Variants in CAMK2B observed in about 807,000 individuals in gnomAD.
The protein encoded by CAMK2B is calcium/calmodulin dependent protein kinase II beta.
A neutral mutation model predicts 93.7 loss-of-function variants in CAMK2B; 27 were observed. The observed-to-expected ratio is 0.29, with a 90% CI of 0.21 to 0.40. The LOEUF (loss-of-function observed/expected upper bound fraction) is 0.40, where lower values mean the gene tolerates loss of function less well. CAMK2B is among the 10% of genes least tolerant of loss of function. The pLI, the probability that CAMK2B is intolerant of heterozygous loss-of-function variation, is 1.00. For missense variants in CAMK2B, 568 were observed against 895.8 expected (o/e 0.63, Z 4.67); for synonymous variants, 374 against 358.8 (o/e 1.04, Z -0.48).
At chr7:44,261,646 T>A (rs577613732) in intron 3 of CAMK2B, among the ~76,000 whole-genome samples, 3 of 151,520 alleles carry the variant, frequency 2.0e-5, no homozygotes, top group East Asian at 1.9e-4. Flanking sequence ...GTGGACACTT[T>A]AAAAAAAAAC....
intron 11 of CAMK2B, among the ~76,000 whole-genome samples, chr7:44,241,433 C>T (rs888984690): frequency 7.9e-5 from 12 of 152,226 alleles, no homozygotes; most frequent in East Asian, 1.9e-4. Flanking sequence ...GAGCCCACAG[C>T]GAGCGCTTCA....
In CAMK2B at chr7:44,243,456, G is replaced by A. The variant is rs779162866; in HGVS notation, c.486C>T (p.Ile162=). The A allele has an allele frequency of 3.6e-5, 58 of 1,613,898 alleles. No individual in the cohort carries two copies. The highest frequency in any genetic ancestry group is 4.6e-5 in the Non-Finnish European group (54 of 1,180,000). The change falls in exon 7 of 24, where the codon ATC becomes ATT. Residue 162 remains isoleucine (I), a synonymous_variant. Coordinates refer to ENST00000395749, the MANE Select transcript of CAMK2B (RefSeq NM_001220.5). ...AVKLADFGLA[I]EVQGDQQAWF... ...ATGCCTGCTGGTCCCCCTGCACCTC[G>A]ATAGCTAGGCCGAAGTCTGCCAGCT... is the stretch of plus-strand genomic sequence containing the variant.
chr7:44,273,923 G>C (rs1349170610), intron 2 of CAMK2B, among the ~76,000 whole-genome samples: 1 of 147,412 alleles, frequency 6.8e-6, no homozygotes, highest in African/African-American at 2.5e-5. Flanking sequence ...GCACAGTCCG[G>C]GGCAAGCACT....
chr7:44,293,802 C>T (rs1584706050), intron 1 of CAMK2B, among the ~76,000 whole-genome samples: 2 of 152,266 alleles, frequency 1.3e-5, no homozygotes, highest in East Asian at 3.9e-4. Flanking sequence ...AGCCCAGTTC[C>T]TAATAGTACT....
At chr7:44,241,021 G>T (rs531964280) in intron 11 of CAMK2B, among the ~76,000 whole-genome samples, 2 of 152,164 alleles carry the variant, frequency 1.3e-5, no homozygotes, top group Non-Finnish European at 2.9e-5. Flanking sequence ...AGCCTCAGGG[G>T]TCACCAGAAC....
chr7:44,263,661 C>G (rs2096899999), intron 2 of CAMK2B, among the ~76,000 whole-genome samples: 1 of 152,214 alleles, frequency 6.6e-6, no homozygotes, highest in East Asian at 1.9e-4. Context: ...GTGACTGGTG[C>G]CCCTTGGGTG....
intron 13 of CAMK2B, among the ~76,000 whole-genome samples, chr7:44,239,159 G>A (rs907424089): frequency 1.3e-5 from 2 of 152,202 alleles, no homozygotes; most frequent in African/African-American, 2.4e-5. Flanking sequence ...GTCTCCATGC[G>A]GCCCCAGAGG....
intron 20 of CAMK2B, among the ~76,000 whole-genome samples, chr7:44,221,776 G>A (rs1418823057): frequency 6.6e-6 from 1 of 152,224 alleles, no homozygotes; most frequent in Non-Finnish European, 1.5e-5. Context: ...TGGCCTCCGG[G>A]GCGCTCACTG....
At chr7:44,253,392 T>C (rs2096798969) in intron 5 of CAMK2B, among the ~76,000 whole-genome samples, 1 of 152,238 alleles carries the variant, frequency 6.6e-6, no homozygotes, top group Admixed American at 6.5e-5. Flanking sequence ...TTTGTATTTT[T>C]AGTAGAGACG....
At chr7:44,278,143 C>T (rs1018882124) in intron 2 of CAMK2B, among the ~76,000 whole-genome samples, 3 of 152,110 alleles carry the variant, frequency 2.0e-5, no homozygotes, top group Admixed American at 6.5e-5. Flanking sequence ...GCAGGCTGCC[C>T]GTGGGACGAT....
chr7:44,292,601 A>C (rs942091829), intron 1 of CAMK2B, among the ~76,000 whole-genome samples: 2 of 152,204 alleles, frequency 1.3e-5, no homozygotes, highest in Non-Finnish European at 2.9e-5. Flanking sequence ...TCCTTTCTTT[A>C]ACTGCAGGAC....
intron 2 of CAMK2B, among the ~76,000 whole-genome samples, chr7:44,270,155 C>G (rs1304199279): frequency 6.6e-6 from 1 of 152,022 alleles, no homozygotes; most frequent in Non-Finnish European, 1.5e-5. Flanking sequence ...TGGGGGCCCC[C>G]CACTAGCACC....
intron 17 of CAMK2B, 134 bp from the exon 18 acceptor site, chr7:44,229,635 G>A: frequency 3.7e-6 from 1 of 272,804 alleles, no homozygotes; most frequent in East Asian, 6.4e-5. Flanking sequence ...TGGGGTGGAG[G>A]TGGGGTGGCC....
intron 10 of CAMK2B, 139 bp downstream of exon 10, chr7:44,242,079 C>T (rs899927236): frequency 1.8e-5 from 18 of 1,019,596 alleles, no homozygotes; most frequent in Non-Finnish European, 2.6e-5. Flanking sequence ...AGCCAGAGGC[C>T]ACAAGGAGCA....
chr7:44,252,546 T>TG (rs2096790348), intron 5 of CAMK2B, among the ~76,000 whole-genome samples: 1 of 4,674 alleles, frequency 2.1e-4, no homozygotes, highest in African/African-American at 7.4e-4. Flanking sequence ...GGGGTGGGGG[T>TG]GGGGGAGGGT....
chr7:44,258,291 G>A (rs529069173), intron 4 of CAMK2B, among the ~76,000 whole-genome samples: 4 of 152,198 alleles, frequency 2.6e-5, no homozygotes, highest in South Asian at 2.1e-4. Context: ...TTGTGCCAGC[G>A]TACCCACATG....
Position 44,248,185 on chromosome 7 carries a change from A to G in CAMK2B, c.342-993T>C, listed in dbSNP as rs1234344246. Among the ~76,000 whole-genome samples the G allele has an allele frequency of 1.3e-5, 2 of 152,176 alleles. No homozygotes were observed. Among genetic ancestry groups the G allele is most frequent in the African/African-American group, 2.4e-5 (1 of 41,442 alleles). ...GCTGTGTGTGCACAGCACTGAGCAC[A>G]CGGAGCTTCCCCTTCAACCCTTCCT... is the stretch of plus-strand genomic sequence containing the variant. On this transcript the variant is annotated intron_variant, in intron 5 of 23. Coordinates refer to ENST00000395749, the MANE Select transcript of CAMK2B (RefSeq NM_001220.5). This position sits in a 1 kb window ranked among gnomAD's most constrained non-coding sequence, Gnocchi z 4.1.
chr7:44,261,346 T>A (rs2096877505), intron 3 of CAMK2B, among the ~76,000 whole-genome samples: 1 of 152,206 alleles, frequency 6.6e-6, no homozygotes, highest in Non-Finnish European at 1.5e-5. Flanking sequence ...CCAGGGGCCA[T>A]GGAGGAGATG....
intron 9 of CAMK2B, 68 bp downstream of exon 9, chr7:44,242,492 C>A: frequency 6.6e-7 from 1 of 1,507,918 alleles, no homozygotes; most frequent in Non-Finnish European, 9.1e-7. Flanking sequence ...CTAGCCTCTT[C>A]CCACGCTGCC....
Sources: allele counts gnomAD v4.1 joint callset (sites outside exome capture counted in the v4.1 genomes callset), GRCh38; gene constraint gnomAD v4.1.1; non-coding constraint Gnocchi (gnomAD v3.1); transcripts MANE v1.5; gene names NCBI Gene and HGNC (gene_info 2026-07-23, HGNC 2026-07-21).